RBFOX1: variants seen among roughly 807,000 people sequenced by gnomAD.
RBFOX1 encodes RNA binding fox-1 homolog 1, also known as RNA binding protein fox-1 homolog 1.
In RBFOX1, 8 loss-of-function variants were observed where a neutral mutation model predicts 57.7. The ratio of observed to expected loss-of-function variants is 0.14; its 90% confidence interval spans 0.08 to 0.25. RBFOX1 has a LOEUF of 0.25. Ranked by LOEUF, RBFOX1 falls within the 10% of genes least tolerant of loss-of-function variation. The pLI is 1.00. For missense variants in RBFOX1, 611 were observed against 548.5 expected (o/e 1.11, Z -1.14); for synonymous variants, 326 against 222.4 (o/e 1.47, Z -4.15).
At chr16:7,483,959 C>G (rs914449594) in intron 4 of RBFOX1, among the ~76,000 whole-genome samples, 1 of 152,208 alleles carries the variant, frequency 6.6e-6, no homozygotes, top group Non-Finnish European at 1.5e-5. Context: ...ACTACAGTTC[C>G]TTGACCTTAA....
intron 1 of RBFOX1, among the ~76,000 whole-genome samples, chr16:6,118,049 T>G (rs966796981): frequency 2.0e-5 from 3 of 152,146 alleles, no homozygotes; most frequent in African/African-American, 7.2e-5. Context: ...TTCATAAGAG[T>G]TGCAAAAGTA....
intron 2 of RBFOX1, among the ~76,000 whole-genome samples, chr16:6,652,179 G>C (rs141786354): frequency 6.6e-6 from 1 of 152,154 alleles, no homozygotes; most frequent in Non-Finnish European, 1.5e-5. Context: ...CACACCTTAC[G>C]GTGGCTCACA....
At chr16:6,149,720 G>A (rs1295161796) in intron 1 of RBFOX1, among the ~76,000 whole-genome samples, 1 of 152,174 alleles carries the variant, frequency 6.6e-6, no homozygotes, top group Non-Finnish European at 1.5e-5. Context: ...AGAGATGCAG[G>A]TTATCTGTTG....
At chr16:6,474,826 C>T (rs775760235) in intron 2 of RBFOX1, among the ~76,000 whole-genome samples, 34 of 152,060 alleles carry the variant, frequency 2.2e-4, no homozygotes, top group Non-Finnish European at 4.0e-4. Flanking sequence ...TTTGACTCAT[C>T]GGTTTCACTT....
At chr16:6,863,243 G>A (rs996161349) in intron 3 of RBFOX1, among the ~76,000 whole-genome samples, 1 of 152,086 alleles carries the variant, frequency 6.6e-6, no homozygotes, top group Non-Finnish European at 1.5e-5. Context: ...CTAAAGGCAA[G>A]ACCCTCAAGG....
At chr16:7,377,301 T>C (rs572737944) in intron 4 of RBFOX1, among the ~76,000 whole-genome samples, 1 of 152,302 alleles carries the variant, frequency 6.6e-6, no homozygotes, top group South Asian at 2.1e-4. Flanking sequence ...AGGTGGTCCG[T>C]ATCACCCACG....
chr16:7,068,073 A>G (rs1314639090), intron 4 of RBFOX1, among the ~76,000 whole-genome samples: 1 of 149,526 alleles, frequency 6.7e-6, no homozygotes, highest in African/African-American at 2.5e-5. Flanking sequence ...TATCTGTCGG[A>G]CTGGTTTCTC....
intron 3 of RBFOX1, among the ~76,000 whole-genome samples, chr16:5,614,755 C>A (rs905049824): frequency 2.6e-5 from 4 of 152,118 alleles, no homozygotes; most frequent in African/African-American, 9.7e-5. Flanking sequence ...AATCTAGATG[C>A]GAGATGCTAT....
chr16:7,265,959 T>G (rs900320563), intron 4 of RBFOX1, among the ~76,000 whole-genome samples: 8 of 88,136 alleles, frequency 9.1e-5, no homozygotes, highest in Non-Finnish European at 1.5e-4. Flanking sequence ...ATCTGGTGGG[T>G]TTTTGTTTTT....
intron 2 of RBFOX1, among the ~76,000 whole-genome samples, chr16:5,587,913 C>G (rs1234141245): frequency 1.3e-5 from 2 of 152,130 alleles, no homozygotes; most frequent in Non-Finnish European, 2.9e-5. Context: ...TGCGGGAATG[C>G]TCACAGTAAC....
chr16:6,409,125 A>C (rs908387425), intron 2 of RBFOX1, among the ~76,000 whole-genome samples: 3 of 152,212 alleles, frequency 2.0e-5, no homozygotes, highest in African/African-American at 7.2e-5. Flanking sequence ...ATAACAAATA[A>C]AAGTTTACTG....
chr16:6,672,931 G>A (rs1031757186), intron 3 of RBFOX1, among the ~76,000 whole-genome samples: 17 of 152,116 alleles, frequency 1.1e-4, no homozygotes, highest in African/African-American at 2.9e-4. Flanking sequence ...AGGCAAGGGC[G>A]TGTGGGATGT....
chr16:7,219,588 C>T (rs1389031869), intron 4 of RBFOX1, among the ~76,000 whole-genome samples: 1 of 152,150 alleles, frequency 6.6e-6, no homozygotes, highest in Non-Finnish European at 1.5e-5. Flanking sequence ...TGAGGCATAG[C>T]TGTTGTAGAA....
chr16:5,920,794 C>G (rs1176593016), intron 4 of RBFOX1, among the ~76,000 whole-genome samples: 1 of 152,186 alleles, frequency 6.6e-6, no homozygotes, highest in South Asian at 2.1e-4. Context: ...GGAAATTCTT[C>G]CTGCTCAGCA....
At chr16:6,857,273 A>T (rs1168464024) in intron 3 of RBFOX1, among the ~76,000 whole-genome samples, 1 of 152,162 alleles carries the variant, frequency 6.6e-6, no homozygotes, top group African/African-American at 2.4e-5. Flanking sequence ...TAAATCGCAA[A>T]CTTATTAGGA....
chr16:6,761,077 A>T (rs79779847), intron 3 of RBFOX1, among the ~76,000 whole-genome samples: 7,323 of 152,314 alleles, frequency 0.048, 383 homozygotes, highest in East Asian at 0.28. Flanking sequence ...CCTATTGATT[A>T]GTAGGGGGCT....
chr16:6,657,194 A>G (rs1320683902), intron 3 of RBFOX1, among the ~76,000 whole-genome samples: 1 of 137,450 alleles, frequency 7.3e-6, no homozygotes, highest in Non-Finnish European at 1.5e-5. Context: ...TTTCCTTCCC[A>G]CTTTCTCGTC....
intron 1 of RBFOX1, among the ~76,000 whole-genome samples, chr16:5,440,235 G>C (rs764165955): frequency 6.6e-6 from 1 of 152,154 alleles, no homozygotes; most frequent in Non-Finnish European, 1.5e-5. Context: ...GTAATTCTAG[G>C]ATCTTTGGTT....
At chr16:6,582,672 TC>T (rs1173507353) in intron 2 of RBFOX1, among the ~76,000 whole-genome samples, 1 of 151,978 alleles carries the variant, frequency 6.6e-6, no homozygotes, top group Non-Finnish European at 1.5e-5. Context: ...CCTTTCTTTT[TC>T]CCTCCACCAT....
Sources: allele counts gnomAD v4.1 joint callset (sites outside exome capture counted in the v4.1 genomes callset), GRCh38; gene constraint gnomAD v4.1.1; transcripts MANE v1.5; gene names NCBI Gene and HGNC (gene_info 2026-07-23, HGNC 2026-07-21).